Variants in UTP18 observed in about 807,000 individuals in gnomAD.
The protein encoded by UTP18 is UTP18 small subunit processome component, also known as U3 small nucleolar RNA-associated protein 18 homolog.
A neutral mutation model predicts 61.1 loss-of-function variants in UTP18; 36 were observed. The observed-to-expected ratio is 0.59, with a 90% CI of 0.45 to 0.78. The LOEUF is 0.78. UTP18 is among the 30% of genes least tolerant of loss of function. The pLI, the probability that UTP18 is intolerant of heterozygous loss-of-function variation, is 0.00. For synonymous variants in UTP18, 282 were observed against 251.1 expected (o/e 1.12, Z -1.16); for missense variants, 753 against 693.9 (o/e 1.09, Z -0.96).
At chr17:51,276,990 C>A in intron 6 of UTP18, 140 bp from the exon 7 acceptor site, 1 of 805,248 alleles carries the variant, frequency 1.2e-6, no homozygotes, top group Non-Finnish European at 1.9e-6. Context: ...TTGATTAAAT[C>A]ACTGGCCGTG....
At chr17:51,274,335 C>G (rs1330461598) in intron 5 of UTP18, among the ~76,000 whole-genome samples, 1 of 152,188 alleles carries the variant, frequency 6.6e-6, no homozygotes, top group Non-Finnish European at 1.5e-5. Context: ...AACCAGCTGC[C>G]TATGTAGCAC....
At chr17:51,282,921 T>G (rs545607524) in intron 9 of UTP18, among the ~76,000 whole-genome samples, 1 of 144,520 alleles carries the variant, frequency 6.9e-6, no homozygotes, top group Non-Finnish European at 1.5e-5. Context: ...TAGGCTGGAG[T>G]GCAGTGGCAC....
rs185192993 is a variant in UTP18 at position 51,268,031 on chromosome 17, A to T, written c.555-806A>T. ...TGTTTTTTGTTTTTTTTTTTTTGAG[A>T]TGGAGCCTGGCTCTGTCGCCCAGGC... On this transcript the variant is annotated intron_variant, in intron 3 of 13. Transcript: ENST00000225298. Among the ~76,000 whole-genome samples, 721 of 115,080 alleles carry T rather than the reference A, an allele frequency of 6.3e-3. 5 individuals are homozygous for T. The highest frequency in any genetic ancestry group is 0.028 in the South Asian group (101 of 3,560). 75.5% of individuals were successfully genotyped at this position (115,080 alleles called of 152,430 possible). A position where few individuals can be genotyped will look rare whatever the true frequency, so the allele number is the denominator to read the frequency against.
intron 6 of UTP18, 68 bp from the exon 7 acceptor site, chr17:51,277,062 A>G (rs1443294051): frequency 1.3e-6 from 2 of 1,495,946 alleles, no homozygotes; most frequent in Non-Finnish European, 1.8e-6. Flanking sequence ...TTGTAGTGAA[A>G]AGTATATACT....
In UTP18 at chr17:51,280,020, TAGTG is replaced by T. The variant is rs1313132875; in HGVS notation, c.1031_1034del (p.Val344GlyfsTer14). Reference sequence around the variant, plus strand: ...CCTATTTTAGGTTTGAAAGAGAAGATAGTGAGGAGCTTTGAAGTCTCCCCAGATG... The same window carrying T: ...CCTATTTTAGGTTTGAAAGAGAAGATAGGAGCTTTGAAGTCTCCCCAGATG... On this transcript the variant is annotated frameshift_variant, in exon 8 of 14. Transcript: ENST00000225298. LOFTEE classifies it high-confidence loss of function. 8 of 1,613,254 alleles carry T rather than the reference TAGTG, an allele frequency of 5.0e-6. No homozygotes were observed. Among genetic ancestry groups the T allele is most frequent in the East Asian group, 2.2e-5 (1 of 44,886 alleles).
In UTP18 at chr17:51,266,402, C is replaced by G. The variant is rs1197778637; in HGVS notation, c.554+122C>G. On this transcript the variant is annotated intron_variant, in intron 3 of 13. Transcript: ENST00000225298. ...ACAGTAAGAGGATTGCTATTGTGGG[C>G]AGTGACTAAATTTCTGTAGTTTTTT... is the stretch of plus-strand genomic sequence containing the variant. The G allele has an allele frequency of 2.2e-5, 13 of 600,256 alleles. No individual in the cohort carries two copies. In the East Asian group the frequency reaches 2.2e-4, roughly 10 times the overall value. 37.2% of individuals were successfully genotyped at this position (600,256 alleles called of 1,614,324 possible). A position where few individuals can be genotyped will look rare whatever the true frequency, so the allele number is the denominator to read the frequency against.
chr17:51,296,676 A>T (rs887036222), intron 12 of UTP18: 7 of 290,554 alleles, frequency 2.4e-5, no homozygotes, highest in Non-Finnish European at 3.8e-5. Flanking sequence ...TAGCTATACC[A>T]GTGACTGGAA....
intron 2 of UTP18, among the ~76,000 whole-genome samples, chr17:51,265,465 G>A (rs763826006): frequency 6.0e-5 from 9 of 150,114 alleles, no homozygotes; most frequent in African/African-American, 9.8e-5. Context: ...GTTCCACCAC[G>A]TTGGCCAGGC....
Position 51,263,508 on chromosome 17 carries a change from T to C in UTP18, c.455+122T>C, listed in dbSNP as rs2055529118. ...TGAAGATTTGAAAAATATTTGAAAG[T>C]ATAGAAAAGATCTTTCATGGTTCCT... On this transcript the variant is annotated intron_variant, in intron 2 of 13. Transcript: ENST00000225298. 1.0e-5 allele frequency: 8 copies of C among 773,200 alleles called. No homozygotes were observed. In the South Asian group the frequency reaches 1.5e-4, roughly 14 times the overall value. The allele number at this position is 773,200 out of a possible 1,614,324, so 47.9% of individuals were successfully genotyped here.
chr17:51,287,784 A>G (rs1387816611), intron 10 of UTP18, among the ~76,000 whole-genome samples: 6 of 152,230 alleles, frequency 3.9e-5, no homozygotes, highest in African/African-American at 1.4e-4. Context: ...AGGAATCAGG[A>G]TGCAAGAAGA....
In UTP18 at chr17:51,272,696, A is replaced by T. The variant is rs80099487; in HGVS notation, c.623-666A>T. Reference sequence around the variant, plus strand: ...ATTTCAGTTTTGGGAAGATTTTCTTATAATTCTTTGATTTCGTCTTTAATC... The same window carrying T: ...ATTTCAGTTTTGGGAAGATTTTCTTTTAATTCTTTGATTTCGTCTTTAATC... On this transcript the variant is annotated intron_variant, in intron 4 of 13. Coordinates refer to ENST00000225298, the MANE Select transcript of UTP18 (RefSeq NM_016001.3). 1.7e-4 allele frequency among the ~76,000 whole-genome samples: 26 copies of T among 152,358 alleles called. 1 individual carries two copies. The East Asian group carries it at 4.8e-3, about 28-fold the overall frequency.
intron 11 of UTP18, among the ~76,000 whole-genome samples, chr17:51,293,318 A>G (rs1423872912): frequency 6.6e-6 from 1 of 152,156 alleles, no homozygotes; most frequent in Non-Finnish European, 1.5e-5. Context: ...TATAGTGTGT[A>G]CACATGGACA....
At position 51,260,745 on chromosome 17, in the gene UTP18, C is replaced by G. The variant is rs377075898; in HGVS notation, c.161C>G (p.Pro54Arg). ...PSSQRKPPARPSAAAAAIAVA... is the reference protein window; with the variant it reads ...PSSQRKPPARRSAAAAAIAVA... ...TCCCAGCGGAAACCGCCGGCCCGGC[C>G]GAGCGCGGCGGCCGCTGCGATTGCA... The change falls in exon 1 of 14, where the codon CCG becomes CGG. Residue 54 changes from proline (P) to arginine (R), a missense_variant. Transcript: ENST00000225298. 5 of 1,584,424 alleles carry G rather than the reference C, an allele frequency of 3.2e-6. No homozygotes were observed. Among genetic ancestry groups the G allele is most frequent in the Non-Finnish European group, 4.3e-6 (5 of 1,166,424 alleles).
intron 4 of UTP18, among the ~76,000 whole-genome samples, chr17:51,269,838 ATTGTGTGT>A (rs1904452641): frequency 8.7e-6 from 1 of 115,212 alleles, no homozygotes; most frequent in Non-Finnish European, 1.9e-5. Flanking sequence ...CAAATAATGT[ATTGTGTGT>A]GTGTGTGTGT....
chr17:51,278,452 T>TG (rs762259775), intron 7 of UTP18, among the ~76,000 whole-genome samples: 1 of 152,388 alleles, frequency 6.6e-6, no homozygotes, highest in East Asian at 1.9e-4. Flanking sequence ...CTCCTTGTCT[T>TG]GCATCCTCTT....
At chr17:51,289,211 T>C (rs2144441429) in intron 11 of UTP18, among the ~76,000 whole-genome samples, 2 of 151,728 alleles carry the variant, frequency 1.3e-5, no homozygotes, top group Non-Finnish European at 2.9e-5. Context: ...TTTTTTTTTT[T>C]TTTGAGACCA....
At position 51,288,150 on chromosome 17, in the gene UTP18, A is replaced by G. The variant is rs761972825; in HGVS notation, c.1450A>G (p.Thr484Ala). The change falls in exon 11 of 14, where the codon ACT (threonine) becomes GCT (alanine). Residue 484 changes from threonine to alanine, a missense_variant. Transcript: ENST00000225298. ...TGTTACTTCTCTGACCTTCAATCCT[A>G]CTACAGAAATCTTGGCAATTGCTTC... ...TGVTSLTFNP[T>A]TEILAIASEK... 1.1e-5 allele frequency: 18 copies of G among 1,606,086 alleles called. No individual in the cohort carries two copies. The highest frequency in any genetic ancestry group is 2.2e-5 in the East Asian group (1 of 44,648).
At chr17:51,294,864 G>C (rs2144449551) in intron 12 of UTP18, among the ~76,000 whole-genome samples, 1 of 152,200 alleles carries the variant, frequency 6.6e-6, no homozygotes, top group Middle Eastern at 3.4e-3. Flanking sequence ...TCCAGCACCT[G>C]TTGTTTCCTG....
At chr17:51,276,125 G>A in intron 6 of UTP18, 134 bp downstream of exon 6, 1 of 897,216 alleles carries the variant, frequency 1.1e-6, no homozygotes, top group Non-Finnish European at 1.6e-6. Context: ...GCATAGCTAA[G>A]TCTCACAGAA....
Sources: gnomAD v4.1 joint callset for allele counts (sites outside exome capture counted in the v4.1 genomes callset) on GRCh38, gnomAD v4.1.1 for gene constraint, MANE v1.5 for transcripts, NCBI Gene and HGNC (gene_info 2026-07-23, HGNC 2026-07-21) for gene names.